DRC4: variants seen among roughly 807,000 people sequenced by gnomAD.
The protein encoded by DRC4 is GAS-11.
At chr16:90,035,498 G>C in the DRC4 span, 22 of 1,112,828 alleles carry the variant, frequency 2.0e-5, no homozygotes, top group African/African-American at 3.1e-5. Flanking sequence ...CTCAAGCTTA[G>C]AGGTGACTTT....
the DRC4 span, chr16:90,035,591 C>A: frequency 6.2e-7 from 1 of 1,613,862 alleles, no homozygotes; most frequent in Non-Finnish European, 8.5e-7. Context: ...GGGCTTCCCT[C>A]TGTGTCCGGC....
At chr16:90,037,984 C>G in the DRC4 span, 3 of 751,106 alleles carry the variant, frequency 4.0e-6, no homozygotes, top group South Asian at 3.1e-5. Context: ...ACGGGGCTCT[C>G]CTTGTGGCCC....
At chr16:90,026,707 G>A in the DRC4 span, among the ~76,000 whole-genome samples, 1 of 151,542 alleles carries the variant, frequency 6.6e-6, no homozygotes, top group African/African-American at 2.4e-5. Context: ...TTTTGGAGAC[G>A]GGGTCTCGTT....
the DRC4 span, chr16:90,022,759 G>A: frequency 7.3e-7 from 1 of 1,365,416 alleles, no homozygotes; most frequent in South Asian, 1.6e-5. Context: ...GGGGTCCTCG[G>A]CAGGGGCCCG....
At chr16:90,042,456 C>G in the DRC4 span, 5 of 1,612,938 alleles carry the variant, frequency 3.1e-6, no homozygotes, top group South Asian at 1.1e-5. Context: ...CTCCCATCAC[C>G]TCTCTCTCCT....
the DRC4 span, among the ~76,000 whole-genome samples, chr16:90,026,381 C>T: frequency 3.3e-5 from 5 of 152,146 alleles, no homozygotes; most frequent in African/African-American, 1.2e-4. Context: ...TCTGGCAGCC[C>T]ATTTACAGGG....
the DRC4 span, chr16:90,035,786 C>G: frequency 6.2e-6 from 10 of 1,611,632 alleles, no homozygotes; most frequent in African/African-American, 2.7e-5. Flanking sequence ...GGAGCAAAAA[C>G]TGGATTAAAA....
chr16:90,043,053 C>T, the DRC4 span: 1 of 934,592 alleles, frequency 1.1e-6, no homozygotes, highest in Non-Finnish European at 1.6e-6. Flanking sequence ...GAGCTGTGTC[C>T]CACACGGGAA....
At chr16:90,037,110 G>C in the DRC4 span, 2 of 948,366 alleles carry the variant, frequency 2.1e-6, no homozygotes, top group Non-Finnish European at 3.1e-6. Flanking sequence ...CTAGGTGCCA[G>C]CATGCCTGAG....
At chr16:90,044,064 G>T in the DRC4 span, 1 of 442,614 alleles carries the variant, frequency 2.3e-6, no homozygotes, top group African/African-American at 2.1e-5. Context: ...ACACCTGAGA[G>T]AATTCAGCAG....
chr16:90,019,866 C>T, the DRC4 span: 1 of 678,676 alleles, frequency 1.5e-6, no homozygotes, highest in South Asian at 1.5e-5. The surrounding 1 kb of genome is among the most constrained non-coding windows in gnomAD (Gnocchi z 6.1). Context: ...GACAGACTCA[C>T]AGAGCGCCCT....
the DRC4 span, chr16:90,031,569 G>A: frequency 6.9e-7 from 1 of 1,452,894 alleles, no homozygotes; most frequent in Non-Finnish European, 9.3e-7. Context: ...CAGTGAGGGT[G>A]CAGGTGGGAC....
At chr16:90,031,611 C>G in the DRC4 span, 1 of 1,152,310 alleles carries the variant, frequency 8.7e-7, no homozygotes, top group South Asian at 1.6e-5. Context: ...GAGTCACAGC[C>G]TTAAAGGTGT....
chr16:90,019,830 G>A, the DRC4 span: 41 of 689,522 alleles, frequency 5.9e-5, no homozygotes, highest in Non-Finnish European at 3.2e-5. The surrounding 1 kb of genome is among the most constrained non-coding windows in gnomAD (Gnocchi z 6.1). Context: ...AGGGGCACAG[G>A]AGGGGCCTGA....
the DRC4 span, chr16:90,035,539 G>A: frequency 1.3e-6 from 2 of 1,543,208 alleles, no homozygotes; most frequent in African/African-American, 1.4e-5. Flanking sequence ...GGAATATGGA[G>A]GTGACCAAAA....
chr16:90,038,122 G>C, the DRC4 span, among the ~76,000 whole-genome samples: 1 of 152,238 alleles, frequency 6.6e-6, no homozygotes, highest in East Asian at 1.9e-4. Flanking sequence ...ATATTCTGCA[G>C]AAGGCCTGGG....
the DRC4 span, chr16:90,029,067 G>A: frequency 1.6e-6 from 2 of 1,224,784 alleles, no homozygotes; most frequent in Non-Finnish European, 2.1e-6. Context: ...CAGCATGTGA[G>A]CTGCTGCCCG....
chr16:90,022,991 G>T, the DRC4 span, among the ~76,000 whole-genome samples: 6 of 152,170 alleles, frequency 3.9e-5, no homozygotes, highest in Non-Finnish European at 5.9e-5. Flanking sequence ...CAGGGCCCGG[G>T]GTCGGCGGCG....
the DRC4 span, chr16:90,044,087 G>T: frequency 2.9e-5 from 13 of 444,200 alleles, no homozygotes; most frequent in African/African-American, 2.1e-4. Context: ...CAGACTGAGG[G>T]TCTGGGATGG....
Sources: allele counts gnomAD v4.1 joint callset (sites outside exome capture counted in the v4.1 genomes callset), GRCh38; gene constraint gnomAD v4.1.1; non-coding constraint Gnocchi (gnomAD v3.1); transcripts MANE v1.5; gene names NCBI Gene and HGNC (gene_info 2026-07-23, HGNC 2026-07-21).